The following ZNF845 variants were observed in gnomAD, a reference collection of about 807,000 sequenced individuals.
The protein encoded by ZNF845 is zinc finger protein 845.
Under a neutral mutation model 76.1 loss-of-function variants are expected in ZNF845, and 59 were observed. The ratio of observed to expected loss-of-function variants is 0.78; its 90% CI spans 0.63 to 0.96. The LOEUF (loss-of-function observed/expected upper bound fraction) is 0.96. ZNF845 is among the 40% of genes least tolerant of loss of function. The pLI is 0.00. For synonymous variants in ZNF845, 361 were observed against 386.9 expected, an observed-to-expected ratio of 0.93 and a Z score of 0.78; for missense variants, 1,045 against 1,172.8, an observed-to-expected ratio of 0.89 and a Z score of 1.59.
Position 53,353,674 on chromosome 19 carries a change from T to G in ZNF845, c.*86T>G. On this transcript the variant is annotated 3_prime_UTR_variant, in exon 4 of 4. Coordinates refer to ENST00000458035, the MANE Select transcript of ZNF845 (RefSeq NM_138374.3). Reference sequence around the variant, plus strand: ...TCATACTGGAGAGAAAGCTTACAAATGTAAGAGTTTGTGACAAGAATCTTG... The same window carrying G: ...TCATACTGGAGAGAAAGCTTACAAAGGTAAGAGTTTGTGACAAGAATCTTG... 1.3e-6 allele frequency: 2 copies of G among 1,520,272 alleles called. No homozygotes were observed. Among genetic ancestry groups the G allele is most frequent in the Non-Finnish European group, 1.8e-6 (2 of 1,137,930 alleles). The allele number at this position is 1,520,272 out of a possible 1,614,324, so 94.2% of individuals were successfully genotyped here. A position where few individuals can be genotyped will look rare whatever the true frequency, so the allele number is the denominator to read the frequency against.
Position 53,352,263 on chromosome 19 carries a change from A to G in ZNF845, c.1588A>G (p.Lys530Glu), listed in dbSNP as rs1313905267. 1 of 1,613,930 alleles carries G rather than the reference A, an allele frequency of 6.2e-7. No homozygotes were observed. The highest frequency in any genetic ancestry group is 1.1e-5 in the South Asian group (1 of 91,062). Reference protein sequence around the residue: ...EKLYKCNECGKTFSRKSSLTR... With the variant: ...EKLYKCNECGETFSRKSSLTR... ...ACTTTACAAGTGTAATGAATGTGGC[A>G]AGACCTTTAGTCGGAAGTCATCCCT... is the stretch of plus-strand genomic sequence containing the variant. Residue 530 changes from lysine (K) to glutamate (E), a missense_variant, in exon 4 of 4, where the codon AAG becomes GAG. By Grantham distance (56) the Lys-to-Glu change is moderately conservative. Coordinates refer to ENST00000458035, the MANE Select transcript of ZNF845 (RefSeq NM_138374.3).
intron 3 of ZNF845, among the ~76,000 whole-genome samples, chr19:53,350,013 G>T (rs951936734): frequency 2.0e-5 from 3 of 152,184 alleles, no homozygotes; most frequent in Admixed American, 2.0e-4. Flanking sequence ...CCAGCCTGTT[G>T]TGATGGAGTG....
At chr19:53,342,262 G>A (rs1442053644) in intron 2 of ZNF845, among the ~76,000 whole-genome samples, 2 of 151,732 alleles carry the variant, frequency 1.3e-5, no homozygotes, top group Admixed American at 6.6e-5. Context: ...TTATAGGCAC[G>A]CACCACCACA....
intron 1 of ZNF845, among the ~76,000 whole-genome samples, chr19:53,338,718 A>ACG (rs1193461247): frequency 1.4e-4 from 14 of 100,016 alleles, no homozygotes; most frequent in African/African-American, 5.7e-4. Context: ...ACACACACAC[A>ACG]CACGCACACA....
chr19:53,353,010 G>A lies in ZNF845; in HGVS notation c.2335G>A (p.Val779Ile), dbSNP rs778859897. ...HTGEKPYKCK[V>I]CDKAFGRDSH... Reference sequence around the variant, plus strand: ...TGGAGAGAAACCATACAAATGTAAGGTTTGTGACAAAGCTTTTGGGCGTGA... The same window carrying A: ...TGGAGAGAAACCATACAAATGTAAGATTTGTGACAAAGCTTTTGGGCGTGA... Residue 779 changes from valine to isoleucine, a missense_variant, in exon 4 of 4, where the codon GTT (valine) becomes ATT (isoleucine). By Grantham distance (29) the Val-to-Ile change is conservative. Coordinates refer to ENST00000458035, the MANE Select transcript of ZNF845 (RefSeq NM_138374.3). 1 of 1,613,910 alleles carries A rather than the reference G, an allele frequency of 6.2e-7. No individual in the cohort carries two copies. Among genetic ancestry groups the A allele is most frequent in the East Asian group, 2.2e-5 (1 of 44,858 alleles).
rs145692283 is a variant in ZNF845, at chr19:53,353,993, G to A, written c.*405G>A. ...AGTTCATCGGTGAACTCATGCTGGA[G>A]AGAAACCTTACAAATGTCATGATTG... On this transcript the variant is annotated 3_prime_UTR_variant, in exon 4 of 4. Coordinates refer to ENST00000458035, the MANE Select transcript of ZNF845 (RefSeq NM_138374.3). The A allele has an allele frequency of 2.6e-5, 13 of 500,698 alleles. No individual in the cohort carries two copies. In the East Asian group the frequency reaches 6.6e-4, roughly 25 times the overall value. The allele number at this position is 500,698 out of a possible 1,614,324, so 31.0% of individuals were successfully genotyped here.
chr19:53,352,574 A>G lies in ZNF845; in HGVS notation c.1899A>G (p.Lys633=), dbSNP rs553547478. 568 of 1,611,068 alleles carry G rather than the reference A, an allele frequency of 3.5e-4. No individual in the cohort carries two copies. The African/African-American group carries it at 5.7e-3, about 16-fold the overall frequency. The change falls in exon 4 of 4, where the codon AAA becomes AAG. Residue 633 remains lysine, a synonymous_variant. Transcript: ENST00000458035. The stretch of plus-strand genomic sequence containing the variant: ...ATTGGCGAACTCATAGTGGAGAGAA[A>G]CCTTACAAATGTGAAGAATGTGATG... The part of the protein sequence containing the change: ...AVHWRTHSGE[K]PYKCEECDEA...
chr19:53,345,433 C>T (rs752443761), intron 2 of ZNF845, 73 bp from the exon 3 acceptor site: 23 of 1,609,958 alleles, frequency 1.4e-5, no homozygotes, highest in Non-Finnish European at 2.0e-5. Flanking sequence ...GCTTTCCTCT[C>T]TCCTCTTCTC....
rs1382727532 is a variant in ZNF845 at position 53,345,545 on chromosome 19, C to T, written c.55C>T (p.Gln19Ter). The change falls in exon 3 of 4, where the codon CAG becomes TAG. Residue 19 changes from glutamine (Q) to a stop codon, truncating the protein, a stop_gained. Transcript: ENST00000458035. LOFTEE classifies it high-confidence loss of function. Reference protein sequence around the residue: ...TFRDVAIEFSQEEWKCLDPAQ... With the variant: ...TFRDVAIEFS ...CAGGGATGTGGCCATAGAATTCTCT[C>T]AGGAAGAGTGGAAGTGCCTGGACCC... The T allele has an allele frequency of 1.2e-6, 2 of 1,613,512 alleles. No homozygotes were observed. Among genetic ancestry groups the T allele is most frequent in the Non-Finnish European group, 1.7e-6 (2 of 1,179,556 alleles).
At chr19:53,335,290 T>C (rs2085205371) in intron 1 of ZNF845, among the ~76,000 whole-genome samples, 1 of 152,166 alleles carries the variant, frequency 6.6e-6, no homozygotes, top group Non-Finnish European at 1.5e-5. Flanking sequence ...AGACAGGGTC[T>C]GGCTCTGTCG....
At chr19:53,343,249 GAA>G (rs1402540979) in intron 2 of ZNF845, among the ~76,000 whole-genome samples, 2 of 152,210 alleles carry the variant, frequency 1.3e-5, no homozygotes, top group African/African-American at 4.8e-5. Flanking sequence ...TACTGGTTGT[GAA>G]AATTTACATG....
At chr19:53,349,908 G>T (rs889367792) in intron 3 of ZNF845, among the ~76,000 whole-genome samples, 1 of 151,994 alleles carries the variant, frequency 6.6e-6, no homozygotes, top group Non-Finnish European at 1.5e-5. Context: ...GGTGATGCAT[G>T]CCTTTAATCC....
chr19:53,345,357 A>G, intron 2 of ZNF845, 149 bp from the exon 3 acceptor site: 1 of 1,509,406 alleles, frequency 6.6e-7, no homozygotes, highest in Non-Finnish European at 8.9e-7. Context: ...CACAACTCAG[A>G]AGACAAAATG....
chr19:53,346,457 A>G, intron 3 of ZNF845: 1 of 339,858 alleles, frequency 2.9e-6, no homozygotes, highest in Non-Finnish European at 5.9e-6. Flanking sequence ...GAGGCAGGCA[A>G]ATCACCTGAG....
intron 1 of ZNF845, 137 bp from the exon 2 acceptor site, chr19:53,341,098 A>G: frequency 1.2e-6 from 1 of 813,214 alleles, no homozygotes; most frequent in South Asian, 2.0e-5. Context: ...TGCCTGTAGG[A>G]GTTTATCGTC....
Position 53,343,471 on chromosome 19 carries a change from CT to C in ZNF845, c.16-2034del, listed in dbSNP as rs1276427791. On this transcript the variant is annotated intron_variant, in intron 2 of 3. Coordinates refer to ENST00000458035, the MANE Select transcript of ZNF845 (RefSeq NM_138374.3). Reference sequence around the variant, plus strand: ...TGCTTCTTCTAGGATGGGGCATTCCCTGTTTTCTTAGATCTGACAAGATTCC... The same window carrying C: ...TGCTTCTTCTAGGATGGGGCATTCCCGTTTTCTTAGATCTGACAAGATTCC... Among the ~76,000 whole-genome samples, 17 of 152,256 alleles carry C rather than the reference CT, an allele frequency of 1.1e-4. No homozygotes were observed. The East Asian group carries it at 3.1e-3, about 28-fold the overall frequency.
At chr19:53,345,887 T>C (rs2085293062) in intron 3 of ZNF845, among the ~76,000 whole-genome samples, 1 of 151,612 alleles carries the variant, frequency 6.6e-6, no homozygotes, top group Non-Finnish European at 1.5e-5. Flanking sequence ...GTTGTTTTTG[T>C]TTTTGTTTAC....
In ZNF845 at chr19:53,351,294, G is replaced by A; in HGVS notation, c.619G>A (p.Glu207Lys). ...LNSSLLTQKQ[E>K]VHMREKSFQC... Reference sequence around the variant, plus strand: ...TTCTTCATTACTCACACAAAAGCAGGAAGTACACATGAGAGAAAAATCTTT... The same window carrying A: ...TTCTTCATTACTCACACAAAAGCAGAAAGTACACATGAGAGAAAAATCTTT... Residue 207 changes from glutamate (E) to lysine (K), a missense_variant, in exon 4 of 4, where the codon GAA (glutamate) becomes AAA (lysine). Transcript: ENST00000458035. 1 of 1,614,200 alleles carries A rather than the reference G, an allele frequency of 6.2e-7. No individual in the cohort carries two copies. Among genetic ancestry groups the A allele is most frequent in the Admixed American group, 1.7e-5 (1 of 60,026 alleles).
intron 1 of ZNF845, among the ~76,000 whole-genome samples, chr19:53,338,926 A>AAG (rs1266525033): frequency 6.6e-6 from 1 of 151,096 alleles, no homozygotes; most frequent in African/African-American, 2.4e-5. Flanking sequence ...TAAAAAAAAA[A>AAG]AAGAAAGAAA....
Sources: allele counts gnomAD v4.1 joint callset (sites outside exome capture counted in the v4.1 genomes callset), GRCh38; gene constraint gnomAD v4.1.1; transcripts MANE v1.5; gene names NCBI Gene and HGNC (gene_info 2026-07-23, HGNC 2026-07-21).